The following ARID3B variants were observed in gnomAD, a reference collection of about 807,000 sequenced individuals.
ARID3B encodes the protein AT-rich interactive domain-containing protein 3B.
Under a neutral mutation model 51.9 loss-of-function variants are expected in ARID3B, and 10 were observed. The ratio of observed to expected loss-of-function variants is 0.19; its 90% CI spans 0.12 to 0.33. The LOEUF is 0.33. ARID3B is among the 10% of genes least tolerant of loss of function. ARID3B has a pLI of 1.00. For synonymous variants in ARID3B, 205 were observed against 279.5 expected (o/e 0.73, Z 2.66); for missense variants, 483 against 716.3 (o/e 0.67, Z 3.72).
chr15:74,586,258 C>T (rs144192970), intron 4 of ARID3B, among the ~76,000 whole-genome samples: 129 of 152,356 alleles, frequency 8.5e-4, no homozygotes, highest in African/African-American at 2.8e-3. Context: ...GAAGAGTACA[C>T]TTTCCCCTCT....
At chr15:74,586,423 A>C (rs2061781967) in intron 4 of ARID3B, among the ~76,000 whole-genome samples, 1 of 152,228 alleles carries the variant, frequency 6.6e-6, no homozygotes, top group Admixed American at 6.5e-5. Flanking sequence ...GTGACTATAA[A>C]GAGGCTAATT....
chr15:74,582,459 C>T (rs903300438), intron 4 of ARID3B, among the ~76,000 whole-genome samples: 3 of 152,052 alleles, frequency 2.0e-5, no homozygotes, highest in Non-Finnish European at 2.9e-5. Context: ...TGAGCCACCG[C>T]GCCCAGCCAC....
intron 7 of ARID3B, among the ~76,000 whole-genome samples, chr15:74,592,161 C>CA (rs1489023536): frequency 1.3e-5 from 2 of 152,330 alleles, no homozygotes; most frequent in African/African-American, 4.8e-5. Context: ...AAGAGCAGGG[C>CA]ACCGTCTGCA....
chr15:74,543,445 ATTG>A lies in ARID3B; in HGVS notation c.-77-409_-77-407del, dbSNP rs2061601568. ...AGGCAGGTCCTTCTTTTCCTTTATT[ATTG>A]TTGTTTGCATAATTATGCTTCTGCT... is the stretch of plus-strand genomic sequence containing the variant. On this transcript the variant is annotated intron_variant, in intron 1 of 8. Transcript: ENST00000346246. 5.3e-5 allele frequency among the ~76,000 whole-genome samples: 8 copies of A among 152,034 alleles called. No individual in the cohort carries two copies. The South Asian group carries it at 1.5e-3, about 28-fold the overall frequency.
Position 74,593,253 on chromosome 15 carries a change from C to T in ARID3B, c.1519+17C>T, listed in dbSNP as rs1470864119. 6.2e-7 allele frequency: 1 copy of T among 1,606,874 alleles called. No homozygotes were observed. Among genetic ancestry groups the T allele is most frequent in the Non-Finnish European group, 8.5e-7 (1 of 1,177,404 alleles). Reference sequence around the variant, plus strand: ...CCTATGCAGGTGAGGCCCTGGAGCTCTGGGGGAGGCCCACGTGGCCGCAGC... The same window carrying T: ...CCTATGCAGGTGAGGCCCTGGAGCTTTGGGGGAGGCCCACGTGGCCGCAGC... On this transcript the variant is annotated intron_variant, in intron 8 of 8. Transcript: ENST00000346246.
At chr15:74,553,798 T>G (rs988542561) in intron 2 of ARID3B, among the ~76,000 whole-genome samples, 6 of 150,882 alleles carry the variant, frequency 4.0e-5, no homozygotes, top group African/African-American at 1.5e-4. Context: ...GTTTTGTTTT[T>G]TAATTTTTAT....
intron 2 of ARID3B, among the ~76,000 whole-genome samples, chr15:74,564,348 C>T (rs1011342507): frequency 1.1e-4 from 17 of 152,170 alleles, no homozygotes; most frequent in African/African-American, 4.1e-4. Flanking sequence ...TTCTTTTCTT[C>T]ATACCAAGAT....
At position 74,591,904 on chromosome 15, in the gene ARID3B, C is replaced by T. The variant is rs1194175229; in HGVS notation, c.1420+90C>T. On this transcript the variant is annotated intron_variant, in intron 7 of 8. Coordinates refer to ENST00000346246, the MANE Select transcript of ARID3B (RefSeq NM_006465.4). The surrounding 1 kb of genome is among the most constrained non-coding windows in gnomAD (Gnocchi z 5.8). ...GACTGGTGGGGCAGGGGTGGTGAGG[C>T]ACATACTCCTGACCTGGAAGAGGCC... 2 of 1,539,034 alleles carry T rather than the reference C, an allele frequency of 1.3e-6. No homozygotes were observed. The highest frequency in any genetic ancestry group is 1.4e-5 in the African/African-American group (1 of 73,124).
intron 1 of ARID3B, 75 bp from the exon 2 acceptor site, chr15:74,543,785 A>G (rs2061603212): frequency 4.9e-6 from 5 of 1,019,244 alleles, no homozygotes; most frequent in Middle Eastern, 3.2e-4. Context: ...ACTGGAGAAA[A>G]GGAAACCTTT....
intron 4 of ARID3B, among the ~76,000 whole-genome samples, chr15:74,578,143 C>T (rs1402272250): frequency 6.6e-6 from 1 of 151,282 alleles, no homozygotes; most frequent in Admixed American, 6.6e-5. Context: ...AGACATGAGC[C>T]ACCGCACCTG....
chr15:74,560,527 C>T (rs756176785), intron 2 of ARID3B, among the ~76,000 whole-genome samples: 6 of 152,016 alleles, frequency 3.9e-5, no homozygotes, highest in African/African-American at 1.4e-4. Context: ...ATCTATTTTT[C>T]GTGTTTTTAT....
chr15:74,563,470 A>G (rs1226062631), intron 2 of ARID3B, among the ~76,000 whole-genome samples: 1 of 152,216 alleles, frequency 6.6e-6, no homozygotes, highest in Non-Finnish European at 1.5e-5. Flanking sequence ...TTCTTCCTAT[A>G]CATTTAAAAT....
chr15:74,564,956 T>C (rs1229933441), intron 2 of ARID3B, among the ~76,000 whole-genome samples: 1 of 152,224 alleles, frequency 6.6e-6, no homozygotes, highest in Non-Finnish European at 1.5e-5. Flanking sequence ...AGGAGTTTGC[T>C]TAAATCCTTG....
intron 2 of ARID3B, among the ~76,000 whole-genome samples, chr15:74,554,086 G>A (rs1036997780): frequency 2.0e-5 from 3 of 151,446 alleles, no homozygotes; most frequent in South Asian, 2.1e-4. Context: ...GGCTCATTAC[G>A]AGCTCCGCCT....
At chr15:74,542,399 A>T (rs745920667) in intron 1 of ARID3B, among the ~76,000 whole-genome samples, 1 of 152,246 alleles carries the variant, frequency 6.6e-6, no homozygotes, top group Non-Finnish European at 1.5e-5. Flanking sequence ...TAAAGGCAGT[A>T]AGAGGCAAAT....
At chr15:74,590,184 T>A (rs894763216) in intron 5 of ARID3B, among the ~76,000 whole-genome samples, 181 bp downstream of exon 5, 6 of 152,230 alleles carry the variant, frequency 3.9e-5, no homozygotes, top group Non-Finnish European at 8.8e-5. Context: ...GAACCACCAT[T>A]TACCAAGTGT....
At chr15:74,562,943 A>T (rs1320558297) in intron 2 of ARID3B, among the ~76,000 whole-genome samples, 1 of 152,166 alleles carries the variant, frequency 6.6e-6, no homozygotes, top group African/African-American at 2.4e-5. Flanking sequence ...GAAATGACTT[A>T]TATTGCCTTC....
intron 2 of ARID3B, among the ~76,000 whole-genome samples, chr15:74,549,562 T>C (rs374728894): frequency 7.7e-4 from 111 of 143,566 alleles, no homozygotes; most frequent in African/African-American, 2.7e-3. Context: ...AGTGAGATGG[T>C]GTAAAAAAAA....
intron 2 of ARID3B, among the ~76,000 whole-genome samples, chr15:74,560,144 G>C (rs947398900): frequency 6.6e-6 from 1 of 150,990 alleles, no homozygotes; most frequent in Non-Finnish European, 1.5e-5. Flanking sequence ...GATGGAGATT[G>C]CAGTGAGCCA....
Sources: gnomAD v4.1 joint callset for allele counts (sites outside exome capture counted in the v4.1 genomes callset) on GRCh38, gnomAD v4.1.1 for gene constraint, Gnocchi (gnomAD v3.1) non-coding constraint, MANE v1.5 for transcripts, NCBI Gene and HGNC (gene_info 2026-07-23, HGNC 2026-07-21) for gene names.